The following TMEM62 variants were observed in gnomAD, a reference collection of about 807,000 sequenced individuals.
The protein encoded by TMEM62 is transmembrane protein 62.
In TMEM62, 41 loss-of-function variants were observed where a neutral mutation model predicts 70.4. The ratio of observed to expected loss-of-function variants is 0.58; its 90% CI spans 0.45 to 0.76. The LOEUF (loss-of-function observed/expected upper bound fraction) is 0.76. Ranked by LOEUF, TMEM62 falls within the 30% of genes least tolerant of loss-of-function variation. The pLI is 0.00. For synonymous variants in TMEM62, 268 were observed against 291.0 expected, an observed-to-expected ratio of 0.92 and a Z score of 0.80; for missense variants, 688 against 788.5, an observed-to-expected ratio of 0.87 and a Z score of 1.53.
chr15:43,136,247 G>A (rs1030547597), intron 3 of TMEM62, among the ~76,000 whole-genome samples: 7 of 152,178 alleles, frequency 4.6e-5, no homozygotes, highest in Non-Finnish European at 8.8e-5. Flanking sequence ...GATTGGGAGA[G>A]AGATTAACTG....
rs2041696108 is a variant in TMEM62, at chr15:43,184,392, C to T, written c.1738C>T (p.Leu580=). The T allele has an allele frequency of 1.9e-6, 3 of 1,614,246 alleles. No homozygotes were observed. The highest frequency in any genetic ancestry group is 1.7e-6 in the Non-Finnish European group (2 of 1,180,044). ...LKIMPVHLLM[L]LLYIWQVYSC... The stretch of plus-strand genomic sequence containing the variant: ...AATTATGCCTGTTCACCTACTTATG[C>T]TACTGCTGTACATCTGGCAGGTTTA... Residue 580 remains leucine (L), a synonymous_variant, in exon 14 of 14, where the codon CTA becomes TTA. Transcript: ENST00000260403.
chr15:43,162,888 G>C (rs2038923218), intron 10 of TMEM62, among the ~76,000 whole-genome samples: 2 of 151,898 alleles, frequency 1.3e-5, no homozygotes, highest in Admixed American at 1.3e-4. Context: ...CTGGATCAAA[G>C]GGTGGGCACA....
At chr15:43,160,007 C>T (rs1045752187) in intron 9 of TMEM62, among the ~76,000 whole-genome samples, 5 of 152,038 alleles carry the variant, frequency 3.3e-5, no homozygotes, top group African/African-American at 1.2e-4. Context: ...CTCACTCTGT[C>T]ACCCAGGCTG....
At chr15:43,162,727 T>C (rs1449704773) in intron 10 of TMEM62, among the ~76,000 whole-genome samples, 1 of 152,136 alleles carries the variant, frequency 6.6e-6, no homozygotes, top group Non-Finnish European at 1.5e-5. Flanking sequence ...CCACCGCACC[T>C]GGCTGCCTTA....
chr15:43,147,148 GA>G (rs952135055), intron 5 of TMEM62, among the ~76,000 whole-genome samples: 5 of 152,074 alleles, frequency 3.3e-5, no homozygotes, highest in African/African-American at 1.2e-4. Flanking sequence ...ATTTTTAGTA[GA>G]AAGGGGGTTT....
chr15:43,174,610 T>A (rs2040542668), intron 11 of TMEM62, among the ~76,000 whole-genome samples: 1 of 152,192 alleles, frequency 6.6e-6, no homozygotes, highest in African/African-American at 2.4e-5. Context: ...TCATGTGAGG[T>A]AGGTGCTATT....
intron 5 of TMEM62, 152 bp from the exon 6 acceptor site, chr15:43,148,603 C>A: frequency 1.4e-6 from 1 of 740,686 alleles, no homozygotes; most frequent in Non-Finnish European, 2.0e-6. Context: ...TTGAAACTTA[C>A]AGAGGTCCAT....
In TMEM62 at chr15:43,160,774, C is replaced by T. The variant is rs781470609; in HGVS notation, c.1276C>T (p.Arg426Cys). The change falls in exon 10 of 14, where the codon CGT becomes TGT. Residue 426 changes from arginine (R) to cysteine (C), a missense_variant. Transcript: ENST00000260403. ...SFDPLASFIL[R>C]TDHYIMARVL... The stretch of plus-strand genomic sequence containing the variant: ...TGATCCCCTGGCATCATTTATTCTC[C>T]GTACTGATCACTACATCATGGTAAG... 23 of 1,600,268 alleles carry T rather than the reference C, an allele frequency of 1.4e-5. No individual in the cohort carries two copies. The highest frequency in any genetic ancestry group is 3.4e-5 in the Admixed American group (2 of 59,414).
rs1402137900 is a variant in TMEM62, at chr15:43,133,681, GC to G, written c.-118del. On this transcript the variant is annotated 5_prime_UTR_variant, in exon 1 of 14. Coordinates refer to ENST00000260403, the MANE Select transcript of TMEM62 (RefSeq NM_024956.4). ...GGCTCCAGCCCCGCATCCGGCGCCGGCCCCGCATCCAGCTCTGGCCCTGCGA... is the reference window on the plus strand; with the variant it reads ...GGCTCCAGCCCCGCATCCGGCGCCGGCCCGCATCCAGCTCTGGCCCTGCGA... The G allele has an allele frequency of 1.7e-5, 12 of 697,448 alleles. No homozygotes were observed. Among genetic ancestry groups the G allele is most frequent in the Non-Finnish European group, 2.0e-5 (10 of 499,728 alleles). 43.2% of individuals were successfully genotyped at this position (697,448 alleles called of 1,614,324 possible). A position where few individuals can be genotyped will look rare whatever the true frequency, so the allele number is the denominator to read the frequency against.
intron 9 of TMEM62, among the ~76,000 whole-genome samples, chr15:43,159,356 T>C (rs1004501737): frequency 6.6e-6 from 1 of 152,238 alleles, no homozygotes; most frequent in African/African-American, 2.4e-5. Context: ...CTTTTTGTAC[T>C]GATTAACCAT....
chr15:43,162,294 C>T (rs2038807692), intron 10 of TMEM62, among the ~76,000 whole-genome samples: 1 of 150,094 alleles, frequency 6.7e-6, no homozygotes, highest in South Asian at 2.1e-4. Flanking sequence ...TCCCCGACCA[C>T]GTCCAGCTTT....
chr15:43,184,393 TACTGCTGTA>T lies in TMEM62; in HGVS notation c.1740_1748del (p.Leu581_Tyr583del). On this transcript the variant is annotated inframe_deletion, in exon 14 of 14. Transcript: ENST00000260403. Reference sequence around the variant, plus strand: ...ATTATGCCTGTTCACCTACTTATGCTACTGCTGTACATCTGGCAGGTTTATTCCTGCTAC... The same window carrying T: ...ATTATGCCTGTTCACCTACTTATGCTCATCTGGCAGGTTTATTCCTGCTAC... 1 of 1,614,260 alleles carries T rather than the reference TACTGCTGTA, an allele frequency of 6.2e-7. No individual in the cohort carries two copies. The highest frequency in any genetic ancestry group is 8.5e-7 in the Non-Finnish European group (1 of 1,180,040).
At chr15:43,180,163 C>T (rs2041191710) in intron 12 of TMEM62, among the ~76,000 whole-genome samples, 1 of 152,008 alleles carries the variant, frequency 6.6e-6, no homozygotes, top group Non-Finnish European at 1.5e-5. Flanking sequence ...TGCTTTGTTG[C>T]CCAGGCTGGA....
chr15:43,178,810 T>G (rs1473104618), intron 12 of TMEM62, 99 bp downstream of exon 12: 1 of 608,708 alleles, frequency 1.6e-6, no homozygotes, highest in East Asian at 3.1e-5. Context: ...AAATGGCTCA[T>G]GGATTCTTCA....
At chr15:43,135,786 T>A in intron 3 of TMEM62, 137 bp downstream of exon 3, 1 of 1,007,730 alleles carries the variant, frequency 9.9e-7, no homozygotes, top group Non-Finnish European at 1.3e-6. Context: ...GAAATACAAC[T>A]ATATAATGTG....
At chr15:43,178,237 T>C (rs2040971646) in intron 11 of TMEM62, among the ~76,000 whole-genome samples, 1 of 152,064 alleles carries the variant, frequency 6.6e-6, no homozygotes, top group African/African-American at 2.4e-5. Context: ...TAAAATAGTA[T>C]GGTGCTCTGG....
At chr15:43,164,059 G>C (rs562187482) in intron 10 of TMEM62, among the ~76,000 whole-genome samples, 1 of 152,254 alleles carries the variant, frequency 6.6e-6, no homozygotes, top group Non-Finnish European at 1.5e-5. Context: ...ACAAAACAAA[G>C]TATCCTTCTC....
chr15:43,159,137 C>T (rs1466559747), intron 9 of TMEM62, among the ~76,000 whole-genome samples: 1 of 152,022 alleles, frequency 6.6e-6, no homozygotes, highest in Non-Finnish European at 1.5e-5. Flanking sequence ...GTGTGTATAT[C>T]TGTGGGTTAC....
At chr15:43,173,444 G>T (rs1378398288) in intron 11 of TMEM62, among the ~76,000 whole-genome samples, 2 of 152,116 alleles carry the variant, frequency 1.3e-5, no homozygotes, top group African/African-American at 4.8e-5. Flanking sequence ...ACTGAATAAA[G>T]GTCAGACATC....
Sources: allele counts gnomAD v4.1 joint callset (sites outside exome capture counted in the v4.1 genomes callset), GRCh38; gene constraint gnomAD v4.1.1; transcripts MANE v1.5; gene names NCBI Gene and HGNC (gene_info 2026-07-23, HGNC 2026-07-21).